Variants in MTA3 observed in about 807,000 individuals in gnomAD.
MTA3 encodes metastasis associated 1 family member 3, also known as metastasis-associated protein MTA3.
A neutral mutation model predicts 83.5 loss-of-function variants in MTA3; 34 were observed. The observed-to-expected ratio is 0.41, with a 90% CI of 0.31 to 0.54. MTA3 has a LOEUF of 0.54. Ranked by LOEUF, MTA3 falls within the 20% of genes least tolerant of loss-of-function variation. The probability of loss-of-function intolerance (pLI) is 0.33; values close to 1 mark genes in which losing one functional copy is unlikely to be tolerated. For synonymous variants in MTA3, 303 were observed against 252.7 expected (o/e 1.20, Z -1.89); for missense variants, 761 against 726.4 (o/e 1.05, Z -0.55).
intron 16 of MTA3, among the ~76,000 whole-genome samples, chr2:42,741,563 C>A (rs1234558795): frequency 1.3e-5 from 2 of 152,026 alleles, no homozygotes; most frequent in African/African-American, 4.8e-5. Flanking sequence ...TATTAATTGG[C>A]CTAATTTTGA....
chr2:42,515,228 T>C (rs11124881), intron 2 of MTA3, among the ~76,000 whole-genome samples: 68,217 of 151,392 alleles, frequency 0.45, 15,732 homozygotes, highest in Middle Eastern at 0.54. Flanking sequence ...CTGGCTAATT[T>C]TTGTATTTTT....
chr2:42,611,600 G>A (rs999283061), intron 4 of MTA3, among the ~76,000 whole-genome samples: 2 of 152,068 alleles, frequency 1.3e-5, no homozygotes, highest in African/African-American at 2.4e-5. Flanking sequence ...AGGATTGCAT[G>A]ATGCCAGTAG....
At chr2:42,521,321 G>A (rs1421233949) in intron 2 of MTA3, among the ~76,000 whole-genome samples, 3 of 152,142 alleles carry the variant, frequency 2.0e-5, no homozygotes, top group African/African-American at 7.2e-5. Context: ...CAACAGCCAC[G>A]TGAGTGAACT....
intron 9 of MTA3, among the ~76,000 whole-genome samples, chr2:42,690,077 G>C (rs922682554): frequency 1.3e-5 from 2 of 152,108 alleles, no homozygotes; most frequent in African/African-American, 4.8e-5. Context: ...ACTTGAGCCT[G>C]GGATTTTGAG....
intron 4 of MTA3, among the ~76,000 whole-genome samples, chr2:42,632,209 C>A (rs1473200533): frequency 6.6e-6 from 1 of 151,428 alleles, no homozygotes; most frequent in Non-Finnish European, 1.5e-5. Context: ...CCTGCCTCAG[C>A]CTCCCAAGTA....
chr2:42,523,533 C>T (rs973220273), intron 2 of MTA3, among the ~76,000 whole-genome samples: 3 of 152,128 alleles, frequency 2.0e-5, no homozygotes, highest in East Asian at 1.9e-4. Context: ...AGCTGCCTGC[C>T]GACCTAGACG....
rs79866352 is a variant in MTA3, at chr2:42,580,985, G to C, written c.190+1785G>C. Among the ~76,000 whole-genome samples, 259 of 152,296 alleles carry C rather than the reference G, an allele frequency of 1.7e-3. 3 individuals are homozygous for C. Among genetic ancestry groups the C allele is most frequent in the African/African-American group, 5.8e-3 (242 of 41,574 alleles). On this transcript the variant is annotated intron_variant, in intron 3 of 16. Coordinates refer to ENST00000405094, the MANE Select transcript of MTA3 (RefSeq NM_001330442.2). ...TGTAAGGAAGGCTGCTGTTTGCATA[G>C]GTTTGTTCTGAGTTTGCTTGAGAGT...
chr2:42,506,899 G>A (rs954122048), intron 2 of MTA3, among the ~76,000 whole-genome samples: 1 of 151,476 alleles, frequency 6.6e-6, no homozygotes, highest in Non-Finnish European at 1.5e-5. Flanking sequence ...GAGCCACCGC[G>A]CCTGGCCTGT....
intron 2 of MTA3, among the ~76,000 whole-genome samples, chr2:42,513,997 T>C (rs1011539539): frequency 1.3e-5 from 2 of 152,154 alleles, no homozygotes; most frequent in Non-Finnish European, 2.9e-5. Flanking sequence ...ATGGATCACC[T>C]GAGGTCAGGA....
intron 6 of MTA3, 38 bp downstream of exon 6, chr2:42,644,282 A>G (rs1687959114): frequency 1.4e-6 from 2 of 1,400,806 alleles, no homozygotes; most frequent in Non-Finnish European, 2.0e-6. Context: ...TGTGAAACAA[A>G]TATATCTTGA....
intron 16 of MTA3, chr2:42,752,415 A>G (rs1422322440): frequency 5.4e-6 from 2 of 367,568 alleles, no homozygotes; most frequent in Admixed American, 3.5e-5. Context: ...CCTCCTAGCC[A>G]CTTTCCTAAT....
intron 6 of MTA3, among the ~76,000 whole-genome samples, chr2:42,645,166 ACT>A (rs956506965): frequency 1.0e-4 from 14 of 138,352 alleles, no homozygotes; most frequent in African/African-American, 3.6e-4. Context: ...ACAGAGTGAG[ACT>A]CTGTCTCAAA....
chr2:42,501,805 C>G (rs1444603483), intron 2 of MTA3, among the ~76,000 whole-genome samples: 1 of 152,002 alleles, frequency 6.6e-6, no homozygotes, highest in Non-Finnish European at 1.5e-5. Flanking sequence ...TGGTGAAACC[C>G]TGTCTCTCCT....
chr2:42,590,306 G>C (rs1680815332), intron 3 of MTA3, among the ~76,000 whole-genome samples: 1 of 152,084 alleles, frequency 6.6e-6, no homozygotes, highest in Non-Finnish European at 1.5e-5. Context: ...GCCCTCCCTG[G>C]AGTAGACGTG....
chr2:42,667,580 G>GTGTGTGTGTGTGTGTTTGTT (rs764385862), intron 8 of MTA3, among the ~76,000 whole-genome samples: 3 of 127,296 alleles, frequency 2.4e-5, no homozygotes, highest in African/African-American at 9.2e-5. Context: ...TTGTGTGTGT[G>GTGTGTGTGTGTGTGTTTGTT]TGTGTGTGTG....
intron 2 of MTA3, among the ~76,000 whole-genome samples, chr2:42,543,129 G>A (rs1676595661): frequency 6.6e-6 from 1 of 151,988 alleles, no homozygotes; most frequent in African/African-American, 2.4e-5. Flanking sequence ...CTTTAAACTG[G>A]GTGGCATCAA....
At chr2:42,570,355 A>G (rs1172800996) in intron 1 of MTA3, 82 bp from the exon 2 acceptor site, 8 of 764,048 alleles carry the variant, frequency 1.0e-5, no homozygotes, top group Non-Finnish European at 1.4e-5. Flanking sequence ...CAAACGTGAA[A>G]TGCCTAACAT....
chr2:42,633,886 C>G (rs1276802196), intron 4 of MTA3, among the ~76,000 whole-genome samples: 1 of 146,994 alleles, frequency 6.8e-6, no homozygotes, highest in Non-Finnish European at 1.5e-5. Context: ...GAGACTCTGT[C>G]TCAAAAAAAA....
intron 2 of MTA3, among the ~76,000 whole-genome samples, chr2:42,552,712 G>A (rs1160649583): frequency 1.3e-5 from 2 of 152,078 alleles, no homozygotes; most frequent in Non-Finnish European, 2.9e-5. Flanking sequence ...AGCATTTTGT[G>A]AGGCCGAGGT....
Sources: gnomAD v4.1 joint callset for allele counts (sites outside exome capture counted in the v4.1 genomes callset) on GRCh38, gnomAD v4.1.1 for gene constraint, MANE v1.5 for transcripts, NCBI Gene and HGNC (gene_info 2026-07-23, HGNC 2026-07-21) for gene names.